The following RANBP10 variants were observed in gnomAD, a reference collection of about 807,000 sequenced individuals.
The protein encoded by RANBP10 is ran-binding protein 10.
A neutral mutation model predicts 72.8 loss-of-function variants in RANBP10; 24 were observed. The observed-to-expected ratio is 0.33, with a 90% CI of 0.24 to 0.46. RANBP10 has a LOEUF of 0.46. RANBP10 is among the 20% of genes least tolerant of loss of function. RANBP10 has a pLI of 1.00. For synonymous variants in RANBP10, 310 were observed against 322.3 expected, an observed-to-expected ratio of 0.96 and a Z score of 0.41; for missense variants, 679 against 817.5, an observed-to-expected ratio of 0.83 and a Z score of 2.07.
chr16:67,805,613 C>T (rs2055373754), intron 1 of RANBP10, 74 bp from the exon 2 acceptor site: 7 of 1,225,974 alleles, frequency 5.7e-6, no homozygotes, highest in Non-Finnish European at 7.0e-6. Flanking sequence ...CTCTGCAACT[C>T]CTCCATGACA....
chr16:67,798,268 G>A (rs1031713360), intron 2 of RANBP10, among the ~76,000 whole-genome samples: 3 of 152,082 alleles, frequency 2.0e-5, no homozygotes, highest in Admixed American at 6.6e-5. Context: ...TTATCAGGGC[G>A]GGCAGGACAA....
rs577472022 is a variant in RANBP10, at chr16:67,792,518, C to T, written c.347+12910G>A. 4.9e-4 allele frequency among the ~76,000 whole-genome samples: 74 copies of T among 151,076 alleles called. No homozygotes were observed. The South Asian group carries it at 5.2e-3, about 11-fold the overall frequency. The stretch of plus-strand genomic sequence containing the variant: ...CAGAGGTTGCAGTGAGCCGAGATCC[C>T]GCCACTGCAGTCCAGCCTGGGTGAC... On this transcript the variant is annotated intron_variant, in intron 2 of 13. Coordinates refer to ENST00000317506, the MANE Select transcript of RANBP10 (RefSeq NM_020850.3).
intron 7 of RANBP10, chr16:67,731,167 T>G: frequency 6.0e-6 from 2 of 330,790 alleles, no homozygotes; most frequent in South Asian, 2.9e-5. Context: ...AATCCAGGAT[T>G]CAGGGGGAAG....
chr16:67,805,645 A>G lies in RANBP10; in HGVS notation c.236-106T>C, dbSNP rs921105859. On this transcript the variant is annotated intron_variant, in intron 1 of 13. Coordinates refer to ENST00000317506, the MANE Select transcript of RANBP10 (RefSeq NM_020850.3). ...GACAACTCCACTCCTCTGTGGCCAG[A>G]GGACGCACTTACACAGGCCGAGGAA... The G allele has an allele frequency of 4.5e-6, 4 of 881,618 alleles. No individual in the cohort carries two copies. In the African/African-American group the frequency reaches 6.7e-5, roughly 15 times the overall value. The allele number at this position is 881,618 out of a possible 1,614,324, so 54.6% of individuals were successfully genotyped here.
rs763086233 is a variant in RANBP10 at position 67,806,471 on chromosome 16, G to T, written c.66C>A (p.Gly22=). The T allele has an allele frequency of 5.2e-6, 8 of 1,553,302 alleles. No individual in the cohort carries two copies. The highest frequency in any genetic ancestry group is 6.1e-6 in the Non-Finnish European group (7 of 1,154,550). ...NPQPGDSSGG[G]AGGGLPSPGE... is the part of the protein sequence containing the mutation. ...CAGGGGACGGCAGCCCGCCCCCAGC[G>T]CCCCCGCCGGAGGAGTCCCCAGGCT... Residue 22 remains glycine (G), a synonymous_variant, in exon 1 of 14, where the codon GGC becomes GGA. Transcript: ENST00000317506.
chr16:67,800,398 C>A (rs367924950), intron 2 of RANBP10, among the ~76,000 whole-genome samples: 9 of 152,252 alleles, frequency 5.9e-5, no homozygotes, highest in African/African-American at 1.9e-4. Context: ...AGGCCTCCGC[C>A]GCTGGGATGA....
chr16:67,734,550 C>G (rs1020861126), intron 6 of RANBP10, among the ~76,000 whole-genome samples: 7 of 152,202 alleles, frequency 4.6e-5, no homozygotes, highest in Non-Finnish European at 7.3e-5. Flanking sequence ...ACAGGGCATC[C>G]TCTGCAAAAT....
chr16:67,782,392 G>A (rs900809562), intron 2 of RANBP10, among the ~76,000 whole-genome samples: 1 of 151,994 alleles, frequency 6.6e-6, no homozygotes, highest in South Asian at 2.1e-4. Flanking sequence ...CTCCCAAAAT[G>A]CTTGGATTAC....
chr16:67,737,943 G>A, intron 5 of RANBP10, 70 bp downstream of exon 5: 1 of 1,513,128 alleles, frequency 6.6e-7, no homozygotes, highest in Non-Finnish European at 9.0e-7. Context: ...TGCACTTGCA[G>A]GTACCACCGT....
intron 3 of RANBP10, among the ~76,000 whole-genome samples, chr16:67,746,772 G>C (rs1056068002): frequency 6.6e-6 from 1 of 152,146 alleles, no homozygotes; most frequent in Non-Finnish European, 1.5e-5. Context: ...CACATAAATG[G>C]AATCATAGAA....
intron 2 of RANBP10, among the ~76,000 whole-genome samples, chr16:67,785,378 A>G (rs748673439): frequency 2.0e-5 from 3 of 152,108 alleles, no homozygotes; most frequent in Admixed American, 6.6e-5. Context: ...GAGATGATAC[A>G]AAAAGGATGA....
intron 4 of RANBP10, among the ~76,000 whole-genome samples, chr16:67,740,942 C>T (rs910763209): frequency 2.0e-5 from 3 of 152,038 alleles, no homozygotes; most frequent in Non-Finnish European, 2.9e-5. Context: ...AGGCCTGCCC[C>T]GGAGCTGCCC....
intron 5 of RANBP10, 72 bp downstream of exon 5, chr16:67,737,941 C>T (rs1355903577): frequency 5.3e-6 from 8 of 1,507,868 alleles, no homozygotes; most frequent in Non-Finnish European, 6.3e-6. Flanking sequence ...CCTGCACTTG[C>T]AGGTACCACC....
chr16:67,733,789 C>T (rs1032488656), intron 6 of RANBP10, among the ~76,000 whole-genome samples: 1 of 152,140 alleles, frequency 6.6e-6, no homozygotes, highest in Non-Finnish European at 1.5e-5. Flanking sequence ...CAACAAAGTG[C>T]GACCCCATCT....
chr16:67,798,886 A>T (rs1027405276), intron 2 of RANBP10, among the ~76,000 whole-genome samples: 11 of 152,140 alleles, frequency 7.2e-5, no homozygotes, highest in Non-Finnish European at 4.4e-5. Context: ...ACTGCCCTCA[A>T]GATACAGCCC....
At chr16:67,799,335 T>A (rs2055192325) in intron 2 of RANBP10, among the ~76,000 whole-genome samples, 8 of 148,172 alleles carry the variant, frequency 5.4e-5, no homozygotes. Flanking sequence ...TTGCCCAGGC[T>A]GGAGTGCAGT....
chr16:67,792,028 G>A (rs1273234010), intron 2 of RANBP10, among the ~76,000 whole-genome samples: 2 of 147,796 alleles, frequency 1.4e-5, no homozygotes, highest in Non-Finnish European at 3.0e-5. Flanking sequence ...CTGGGCAACA[G>A]AGTGAGACTC....
At chr16:67,757,351 C>T (rs1191184678) in intron 3 of RANBP10, among the ~76,000 whole-genome samples, 1 of 152,240 alleles carries the variant, frequency 6.6e-6, no homozygotes, top group Non-Finnish European at 1.5e-5. Flanking sequence ...AGACCTGCTC[C>T]ATTCTTGTTT....
chr16:67,770,019 C>T (rs927060401), intron 3 of RANBP10, among the ~76,000 whole-genome samples: 1 of 151,856 alleles, frequency 6.6e-6, no homozygotes, highest in Non-Finnish European at 1.5e-5. Flanking sequence ...GAGCCATGAT[C>T]ATGCCACTGC....
Sources: gnomAD v4.1 joint callset for allele counts (sites outside exome capture counted in the v4.1 genomes callset) on GRCh38, gnomAD v4.1.1 for gene constraint, MANE v1.5 for transcripts, NCBI Gene and HGNC (gene_info 2026-07-23, HGNC 2026-07-21) for gene names.